Variants in GNG4 observed in about 807,000 individuals in gnomAD.
GNG4 encodes the protein guanine nucleotide-binding protein G(I)/G(S)/G(O) subunit gamma-4.
A neutral mutation model predicts 5.8 loss-of-function variants in GNG4; 4 were observed. The observed-to-expected ratio is 0.69, with a 90% CI of 0.34 to 1.57. The LOEUF is 1.57. Ranked by LOEUF, GNG4 falls within the 40% of genes most tolerant of loss-of-function variation. The probability of loss-of-function intolerance (pLI) is 0.06; values close to 1 mark genes in which losing one functional copy is unlikely to be tolerated. For synonymous variants in GNG4, 29 were observed against 32.9 expected, an observed-to-expected ratio of 0.88 and a Z score of 0.41; for missense variants, 96 against 95.1, an observed-to-expected ratio of 1.01 and a Z score of -0.04.
intron 3 of GNG4, among the ~76,000 whole-genome samples, chr1:235,554,775 T>C (rs752771301): frequency 6.7e-5 from 10 of 148,686 alleles, no homozygotes; most frequent in South Asian, 2.1e-4. Flanking sequence ...AACTCGGGAG[T>C]TGGAAGTTGC....
chr1:235,593,189 T>G (rs1688022098), intron 2 of GNG4, among the ~76,000 whole-genome samples: 1 of 152,268 alleles, frequency 6.6e-6, no homozygotes, highest in East Asian at 1.9e-4. Context: ...CCTCAGGTCA[T>G]CCACCCGTCT....
Position 235,639,793 on chromosome 1 carries a change from C to G in GNG4, c.-123+9869G>C, listed in dbSNP as rs191176024. Among the ~76,000 whole-genome samples, 502 of 152,366 alleles carry G rather than the reference C, an allele frequency of 3.3e-3. 3 individuals carry two copies. The highest frequency in any genetic ancestry group is 5.3e-3 in the Non-Finnish European group (362 of 68,032). ...AAGTGCTGGGATATCAGGCGTGAGC[C>G]ACCGTGCCCCGCTCTGTGTTGTGTT... On this transcript the variant is annotated intron_variant, in intron 1 of 3. Coordinates refer to ENST00000391854, the MANE Select transcript of GNG4 (RefSeq NM_001098722.2).
At chr1:235,597,588 C>CTGTGTGTGTG (rs386417904) in intron 1 of GNG4, among the ~76,000 whole-genome samples, 24 of 74,264 alleles carry the variant, frequency 3.2e-4, no homozygotes, top group African/African-American at 9.9e-4. Flanking sequence ...AACTTGTTTG[C>CTGTGTGTGTG]TGTGTGTGTG....
chr1:235,588,192 A>C (rs1279712443), intron 2 of GNG4, among the ~76,000 whole-genome samples: 1 of 152,072 alleles, frequency 6.6e-6, no homozygotes, highest in Non-Finnish European at 1.5e-5. Flanking sequence ...TCCTGTGGGA[A>C]GGTCCCACCA....
chr1:235,637,955 G>A lies in GNG4; in HGVS notation c.-123+11707C>T, dbSNP rs146818881. On this transcript the variant is annotated intron_variant, in intron 1 of 3. Transcript: ENST00000391854. ...CCGGCACAGACTTGAGGAGACCACC[G>A]AAAAGGAGCCCAGGCCAATGGCCTG... Among the ~76,000 whole-genome samples the A allele has an allele frequency of 2.4e-3, 369 of 152,354 alleles. 2 individuals carry two copies. Among genetic ancestry groups the A allele is most frequent in the African/African-American group, 8.5e-3 (353 of 41,598 alleles).
chr1:235,597,363 A>G (rs778535253), intron 1 of GNG4, among the ~76,000 whole-genome samples: 2 of 151,992 alleles, frequency 1.3e-5, no homozygotes, highest in Non-Finnish European at 2.9e-5. Context: ...CATTTTTCTC[A>G]GCCTGTGCTA....
chr1:235,561,129 C>A (rs922796824), intron 3 of GNG4, among the ~76,000 whole-genome samples: 1 of 152,214 alleles, frequency 6.6e-6, no homozygotes, highest in Non-Finnish European at 1.5e-5. Context: ...CCTGCCTCAG[C>A]CTCCCGAGTA....
chr1:235,605,128 C>T (rs1435109489), intron 1 of GNG4, among the ~76,000 whole-genome samples: 1 of 151,696 alleles, frequency 6.6e-6, no homozygotes, highest in Non-Finnish European at 1.5e-5. Flanking sequence ...ATTCATTAAA[C>T]ACATACTATG....
chr1:235,595,899 G>A (rs532228289), intron 1 of GNG4, among the ~76,000 whole-genome samples: 39 of 144,574 alleles, frequency 2.7e-4, no homozygotes, highest in Non-Finnish European at 4.9e-4. Flanking sequence ...TTGGGGCCGG[G>A]CGCGGTGGCT....
chr1:235,583,913 C>G, intron 2 of GNG4, 65 bp from the exon 3 acceptor site: 1 of 912,908 alleles, frequency 1.1e-6, no homozygotes, highest in Non-Finnish European at 1.8e-6. Context: ...AACCCCACCT[C>G]CCACCACCTA....
intron 3 of GNG4, among the ~76,000 whole-genome samples, chr1:235,553,346 C>T (rs1323055322): frequency 1.3e-5 from 2 of 152,144 alleles, no homozygotes; most frequent in Admixed American, 6.5e-5. Context: ...ACTCATCCTG[C>T]CAATTAGGCT....
intron 2 of GNG4, among the ~76,000 whole-genome samples, chr1:235,593,530 T>G (rs976634727): frequency 1.3e-5 from 2 of 152,204 alleles, no homozygotes; most frequent in African/African-American, 4.8e-5. Flanking sequence ...GGGTCCGGAA[T>G]TGGTGGGTTC....
Position 235,644,032 on chromosome 1 carries a change from G to A in GNG4, c.-123+5630C>T, listed in dbSNP as rs528589436. ...CACACAGAAAGATCTGCCCGAGAGA[G>A]TCCCCAAAAGGCACAATTCTACAAG... On this transcript the variant is annotated intron_variant, in intron 1 of 3. Transcript: ENST00000391854. This position sits in a 1 kb window ranked among gnomAD's most constrained non-coding sequence, Gnocchi z 5.9. Among the ~76,000 whole-genome samples, 1 of 152,342 alleles carries A rather than the reference G, an allele frequency of 6.6e-6. No homozygotes were observed. The highest frequency in any genetic ancestry group is 2.1e-4 in the South Asian group (1 of 4,828).
chr1:235,635,109 A>C (rs772482620), intron 1 of GNG4, among the ~76,000 whole-genome samples: 2 of 152,136 alleles, frequency 1.3e-5, no homozygotes, highest in Non-Finnish European at 2.9e-5. Context: ...TTTGCAAACC[A>C]TGGTTCCAAT....
At chr1:235,574,077 C>G (rs1687419276) in intron 3 of GNG4, among the ~76,000 whole-genome samples, 1 of 152,126 alleles carries the variant, frequency 6.6e-6, no homozygotes, top group Admixed American at 6.6e-5. Context: ...TTATACTTGT[C>G]AGCATTTTTC....
chr1:235,620,585 G>C (rs569082160), intron 1 of GNG4, among the ~76,000 whole-genome samples: 2 of 152,212 alleles, frequency 1.3e-5, no homozygotes, highest in South Asian at 2.1e-4. Flanking sequence ...GCCCAGACTG[G>C]AGTGCAGTGG....
Position 235,642,170 on chromosome 1 carries a change from A to G in GNG4, c.-123+7492T>C, listed in dbSNP as rs144669411. Among the ~76,000 whole-genome samples the G allele has an allele frequency of 4.3e-3, 653 of 152,320 alleles. 5 individuals are homozygous for G. The highest frequency in any genetic ancestry group is 7.1e-3 in the Non-Finnish European group (483 of 68,024). On this transcript the variant is annotated intron_variant, in intron 1 of 3. Coordinates refer to ENST00000391854, the MANE Select transcript of GNG4 (RefSeq NM_001098722.2). The surrounding 1 kb of genome is among the most constrained non-coding windows in gnomAD (Gnocchi z 4.3). ...CAGCTAACCACAGCGGTCCGAGGCG[A>G]ACGCAGGGTGGAAGAACCCGAGCGA... is the stretch of plus-strand genomic sequence containing the variant.
intron 1 of GNG4, among the ~76,000 whole-genome samples, chr1:235,617,569 C>G (rs1049131225): frequency 8.5e-5 from 13 of 152,118 alleles, no homozygotes; most frequent in African/African-American, 3.1e-4. Flanking sequence ...ATTCCCACTT[C>G]CCTTCCCCAC....
chr1:235,557,912 T>C (rs1384842314), intron 3 of GNG4, among the ~76,000 whole-genome samples: 4 of 152,224 alleles, frequency 2.6e-5, no homozygotes, highest in African/African-American at 9.6e-5. Flanking sequence ...GGTCTGGCCT[T>C]GCCAGGTCTA....
Sources: allele counts gnomAD v4.1 joint callset (sites outside exome capture counted in the v4.1 genomes callset), GRCh38; gene constraint gnomAD v4.1.1; non-coding constraint Gnocchi (gnomAD v3.1); transcripts MANE v1.5; gene names NCBI Gene and HGNC (gene_info 2026-07-23, HGNC 2026-07-21).